The following CCNF variants were observed in gnomAD, a reference collection of about 807,000 sequenced individuals.
CCNF encodes cyclin F, also known as cyclin-F.
A neutral mutation model predicts 85.4 loss-of-function variants in CCNF; 30 were observed. The observed-to-expected ratio is 0.35, with a 90% CI of 0.26 to 0.48. The LOEUF (loss-of-function observed/expected upper bound fraction) is 0.48, where lower values mean the gene tolerates loss of function less well. CCNF is among the 20% of genes least tolerant of loss of function. The pLI is 0.99. For synonymous variants in CCNF, 439 were observed against 425.1 expected (o/e 1.03, Z -0.40); for missense variants, 919 against 1,010.4 (o/e 0.91, Z 1.23).
In CCNF at chr16:2,439,464, G is replaced by T. The variant is rs751561244; in HGVS notation, c.699+7G>T. ...AAGCGACAGGAGGACAGATGTGAGT[G>T]GTGCCTGCTCTGGGTCGGGGGGAGT... On this transcript the variant is annotated splice_region_variant and intron_variant, in intron 7 of 16. Coordinates refer to ENST00000397066, the MANE Select transcript of CCNF (RefSeq NM_001761.3). 1 of 1,592,224 alleles carries T rather than the reference G, an allele frequency of 6.3e-7. No homozygotes were observed. The highest frequency in any genetic ancestry group is 1.3e-5 in the African/African-American group (1 of 74,496).
intron 15 of CCNF, among the ~76,000 whole-genome samples, chr16:2,455,057 C>CAAAAAAAAA (rs113432361): frequency 2.1e-5 from 1 of 47,238 alleles, no homozygotes; most frequent in Non-Finnish European, 4.4e-5. Context: ...AAGAACACCT[C>CAAAAAAAAA]AAAAAAAAAA....
chr16:2,441,947 ATATATATATAT>A, intron 8 of CCNF, among the ~76,000 whole-genome samples: 1 of 54,434 alleles, frequency 1.8e-5, no homozygotes, highest in Non-Finnish European at 5.0e-5. Context: ...TTATATATAT[ATATATATATAT>A]ATATATATAT....
intron 8 of CCNF, among the ~76,000 whole-genome samples, chr16:2,440,836 C>T (rs1013721588): frequency 6.6e-6 from 1 of 152,164 alleles, no homozygotes; most frequent in African/African-American, 2.4e-5. Flanking sequence ...CGCCTGCAAT[C>T]CCAGCGCTGT....
chr16:2,431,991 C>T (rs888959963), intron 2 of CCNF, among the ~76,000 whole-genome samples: 14 of 151,856 alleles, frequency 9.2e-5, no homozygotes, highest in African/African-American at 2.2e-4. Context: ...CCACCACGCC[C>T]GGCTAATTTA....
chr16:2,457,386 G>A lies in CCNF; in HGVS notation c.*366G>A, dbSNP rs539413178. On this transcript the variant is annotated 3_prime_UTR_variant, in exon 17 of 17. Transcript: ENST00000397066. Reference sequence around the variant, plus strand: ...CGTGCCGGGAGCTGACAGCTTTCACGCTTAAGGCACGTGTGACCTGGGTAG... The same window carrying A: ...CGTGCCGGGAGCTGACAGCTTTCACACTTAAGGCACGTGTGACCTGGGTAG... 16 of 185,164 alleles carry A rather than the reference G, an allele frequency of 8.6e-5. No homozygotes were observed. The highest frequency in any genetic ancestry group is 2.7e-4 in the Admixed American group (5 of 18,340). 11.5% of individuals were successfully genotyped at this position (185,164 alleles called of 1,614,324 possible).
rs1161046164 is a variant in CCNF at position 2,439,618 on chromosome 16, C to A, written c.700-131C>A. 1.1e-5 allele frequency: 10 copies of A among 935,214 alleles called. No individual in the cohort carries two copies. In the African/African-American group the frequency reaches 1.5e-4, roughly 14 times the overall value. The allele number at this position is 935,214 out of a possible 1,614,324, so 57.9% of individuals were successfully genotyped here. ...CTGGTCAGTCGGCTATTCTTGGTAC[C>A]CCCAAAAATGACTCCACCATTTGAG... On this transcript the variant is annotated intron_variant, in intron 7 of 16. Transcript: ENST00000397066.
At position 2,455,967 on chromosome 16, in the gene CCNF, T is replaced by C. The variant is rs2065425171; in HGVS notation, c.1885+403T>C. ...CAGGAGGATCACTTCAGGCTAGAAG[T>C]TCAAGACCAGCCTGGGTGACACAGC... On this transcript the variant is annotated intron_variant, in intron 16 of 16. Transcript: ENST00000397066. Among the ~76,000 whole-genome samples, 5 of 152,102 alleles carry C rather than the reference T, an allele frequency of 3.3e-5. No individual in the cohort carries two copies. In the South Asian group the frequency reaches 8.3e-4, roughly 25 times the overall value.
rs1379100169 is a variant in CCNF at position 2,451,629 on chromosome 16, C to T, written c.1488-1581C>T. ...GCAGTGGCACCATCCTAGCTCACTG[C>T]AGCCCTGACCTCCCGGGCTCAAGGG... On this transcript the variant is annotated intron_variant, in intron 13 of 16. Coordinates refer to ENST00000397066, the MANE Select transcript of CCNF (RefSeq NM_001761.3). This position sits in a 1 kb window ranked among gnomAD's most constrained non-coding sequence, Gnocchi z 4.3. Among the ~76,000 whole-genome samples, 10 of 152,148 alleles carry T rather than the reference C, an allele frequency of 6.6e-5. No individual in the cohort carries two copies. The highest frequency in any genetic ancestry group is 1.5e-4 in the Non-Finnish European group (10 of 68,018).
chr16:2,445,759 G>A (rs1390870684), intron 10 of CCNF, 137 bp downstream of exon 10: 34 of 796,140 alleles, frequency 4.3e-5, no homozygotes, highest in Middle Eastern at 3.8e-4. Context: ...ACCAAGTCTC[G>A]CTCTGTCACC....
intron 7 of CCNF, 61 bp downstream of exon 7, chr16:2,439,518 G>C: frequency 7.9e-7 from 1 of 1,272,488 alleles, no homozygotes; most frequent in Non-Finnish European, 1.1e-6. Context: ...AGTTGATGCT[G>C]GTCCTTGGAT....
Position 2,439,460 on chromosome 16 carries a change from G to A in CCNF, c.699+3G>A, listed in dbSNP as rs766287976. The A allele has an allele frequency of 1.1e-5, 18 of 1,597,684 alleles. 1 individual carries two copies. The South Asian group carries it at 2.0e-4, about 18-fold the overall frequency. ...GGGAAAGCGACAGGAGGACAGATGT[G>A]AGTGGTGCCTGCTCTGGGTCGGGGG... On this transcript the variant is annotated splice_donor_region_variant and intron_variant, in intron 7 of 16. Transcript: ENST00000397066.
At chr16:2,430,805 CGG>C (rs958104697) in intron 1 of CCNF, among the ~76,000 whole-genome samples, 69 of 152,316 alleles carry the variant, frequency 4.5e-4, no homozygotes, top group African/African-American at 1.6e-3. Flanking sequence ...TCCTCAGCTT[CGG>C]CAGCTTTTTC....
Position 2,453,626 on chromosome 16 carries a change from C to A in CCNF, c.1715+89C>A. 1 of 1,526,072 alleles carries A rather than the reference C, an allele frequency of 6.6e-7. No individual in the cohort carries two copies. The highest frequency in any genetic ancestry group is 1.2e-5 in the South Asian group (1 of 86,094). 94.5% of individuals were successfully genotyped at this position (1,526,072 alleles called of 1,614,324 possible). A position where few individuals can be genotyped will look rare whatever the true frequency, so the allele number is the denominator to read the frequency against. On this transcript the variant is annotated intron_variant, in intron 15 of 16. Coordinates refer to ENST00000397066, the MANE Select transcript of CCNF (RefSeq NM_001761.3). The surrounding 1 kb of genome is among the most constrained non-coding windows in gnomAD (Gnocchi z 5.6). ...CTCAGCGCTTCCTCACACAGAGAGG[C>A]CCCCAAGGCTTGTCAGGGGAGCAGC...
At position 2,443,793 on chromosome 16, in the gene CCNF, A is replaced by C. The variant is rs1166969662; in HGVS notation, c.922A>C (p.Thr308Pro). 1.2e-6 allele frequency: 2 copies of C among 1,613,974 alleles called. No individual in the cohort carries two copies. The highest frequency in any genetic ancestry group is 1.7e-6 in the Non-Finnish European group (2 of 1,179,962). ...VFSVQKGLND[T>P]MRYILIDWLV... Reference sequence around the variant, plus strand: ...CTCCGTGCAGAAGGGACTCAATGACACAATGAGGTGAGGCATTCAGGCCGG... The same window carrying C: ...CTCCGTGCAGAAGGGACTCAATGACCCAATGAGGTGAGGCATTCAGGCCGG... Residue 308 changes from threonine to proline, a missense_variant, in exon 9 of 17, where the codon ACA becomes CCA. By Grantham distance (38) the Thr-to-Pro change is conservative (BLOSUM62 -1). Transcript: ENST00000397066.
rs1248989504 is a variant in CCNF at position 2,439,355 on chromosome 16, T to C, written c.597T>C (p.Asp199=). Residue 199 remains aspartate (D), a splice_region_variant and synonymous_variant, in exon 7 of 17, where the codon GAT becomes GAC. Coordinates refer to ENST00000397066, the MANE Select transcript of CCNF (RefSeq NM_001761.3). ...CLGRVLSLFE[D]EEKQQQAHDL... Reference sequence around the variant, plus strand: ...AACTCTGCTGGGATTTATTCTAGGATGAGGAGAAGCAGCAGCAGGCCCATG... The same window carrying C: ...AACTCTGCTGGGATTTATTCTAGGACGAGGAGAAGCAGCAGCAGGCCCATG... The C allele has an allele frequency of 6.2e-7, 1 of 1,601,650 alleles. No homozygotes were observed. Among genetic ancestry groups the C allele is most frequent in the Non-Finnish European group, 8.5e-7 (1 of 1,173,344 alleles).
In CCNF at chr16:2,445,422, G is replaced by A. The variant is rs376261035; in HGVS notation, c.930-36G>A. 2.4e-5 allele frequency: 38 copies of A among 1,610,524 alleles called. No homozygotes were observed. In the African/African-American group the frequency reaches 2.9e-4, roughly 12 times the overall value. On this transcript the variant is annotated intron_variant, in intron 9 of 16. Transcript: ENST00000397066. The stretch of plus-strand genomic sequence containing the variant: ...TCGCAGACAGGGACACATGGAGAAC[G>A]CCCCCACCAGTTCCCACGTGCTTCT...
At position 2,451,327 on chromosome 16, in the gene CCNF, C is replaced by G. The variant is rs1212500146; in HGVS notation, c.1487+1412C>G. On this transcript the variant is annotated intron_variant, in intron 13 of 16. Coordinates refer to ENST00000397066, the MANE Select transcript of CCNF (RefSeq NM_001761.3). The surrounding 1 kb of genome is among the most constrained non-coding windows in gnomAD (Gnocchi z 4.3). ...GCAAAGGGGGCAGCCATGCCAGGGC[C>G]CAGTGCAGACCAGTGGGGCTGGGGG... Among the ~76,000 whole-genome samples the G allele has an allele frequency of 1.3e-5, 2 of 152,310 alleles. No individual in the cohort carries two copies. Among genetic ancestry groups the G allele is most frequent in the African/African-American group, 4.8e-5 (2 of 41,566 alleles).
Position 2,429,458 on chromosome 16 carries a change from GGCGGCA to G in CCNF, c.-20_-15del. ...GCGGGCGCGCTCTCAGGCGGGCTCC[GGCGGCA>G]GCGACGCGAGCGCGGCGATGGGGAG... On this transcript the variant is annotated 5_prime_UTR_variant, in exon 1 of 17. Transcript: ENST00000397066. The G allele has an allele frequency of 8.2e-7, 1 of 1,222,322 alleles. No homozygotes were observed. The highest frequency in any genetic ancestry group is 4.3e-5 in the Admixed American group (1 of 23,120). The allele number at this position is 1,222,322 out of a possible 1,614,324, so 75.7% of individuals were successfully genotyped here.
intron 9 of CCNF, among the ~76,000 whole-genome samples, chr16:2,444,171 G>C (rs1205932735): frequency 1.3e-5 from 2 of 151,374 alleles, no homozygotes; most frequent in East Asian, 3.9e-4. Context: ...CGCCCGCTTT[G>C]GCCTCCCAAA....
Sources: gnomAD v4.1 joint callset for allele counts (sites outside exome capture counted in the v4.1 genomes callset) on GRCh38, gnomAD v4.1.1 for gene constraint, Gnocchi (gnomAD v3.1) non-coding constraint, MANE v1.5 for transcripts, NCBI Gene and HGNC (gene_info 2026-07-23, HGNC 2026-07-21) for gene names.